Variants in FAM20B observed in about 807,000 individuals in gnomAD.
FAM20B encodes FAM20B glycosaminoglycan xylosylkinase.
FAM20B carries 23 observed loss-of-function variants against 43.8 expected under a neutral mutation model. The observed-to-expected ratio is 0.53, with a 90% CI of 0.38 to 0.74. The LOEUF is 0.74. Ranked by LOEUF, FAM20B falls within the 30% of genes least tolerant of loss-of-function variation. The pLI is 0.00. For missense variants in FAM20B, 440 were observed against 510.5 expected (o/e 0.86, Z 1.33); for synonymous variants, 178 against 192.4 (o/e 0.93, Z 0.62).
chr1:179,029,119 A>G (rs369224259), intron 1 of FAM20B, among the ~76,000 whole-genome samples: 2 of 152,230 alleles, frequency 1.3e-5, no homozygotes, highest in East Asian at 3.8e-4. Context: ...TTTTGCATTA[A>G]TAGAAGAACT....
chr1:179,046,199 C>CT (rs901809310), intron 2 of FAM20B, among the ~76,000 whole-genome samples: 48 of 152,174 alleles, frequency 3.2e-4, no homozygotes, highest in Non-Finnish European at 3.5e-4. Context: ...ATGGAATTCT[C>CT]TAAGTTTGTT....
chr1:179,057,080 C>T (rs1480772695), intron 4 of FAM20B, among the ~76,000 whole-genome samples: 1 of 152,140 alleles, frequency 6.6e-6, no homozygotes, highest in Non-Finnish European at 1.5e-5. Context: ...CACGGTGGCT[C>T]ATGCCTGTAA....
chr1:179,028,372 A>G (rs527264923), intron 1 of FAM20B, among the ~76,000 whole-genome samples: 1 of 152,330 alleles, frequency 6.6e-6, no homozygotes, highest in East Asian at 1.9e-4. Flanking sequence ...TCACGAGGTC[A>G]AGAGATTGAG....
chr1:179,049,590 G>T (rs1035279400), intron 2 of FAM20B, among the ~76,000 whole-genome samples: 2 of 152,104 alleles, frequency 1.3e-5, no homozygotes, highest in Non-Finnish European at 2.9e-5. Context: ...GCCCAGGCTG[G>T]AGTGCAGTGG....
At chr1:179,040,841 G>A (rs1650477484) in intron 1 of FAM20B, among the ~76,000 whole-genome samples, 1 of 151,062 alleles carries the variant, frequency 6.6e-6, no homozygotes, top group Non-Finnish European at 1.5e-5. Context: ...GGGCGGAGGG[G>A]CTCCTCACTT....
chr1:179,029,989 T>G (rs536217302), intron 1 of FAM20B, among the ~76,000 whole-genome samples: 1 of 152,310 alleles, frequency 6.6e-6, no homozygotes, highest in Non-Finnish European at 1.5e-5. Flanking sequence ...TCTACTTGAG[T>G]CGATTCAGTA....
intron 1 of FAM20B, among the ~76,000 whole-genome samples, chr1:179,026,526 C>T (rs941124278): frequency 6.6e-6 from 1 of 152,146 alleles, no homozygotes; most frequent in African/African-American, 2.4e-5. Context: ...CCCGGAGCGC[C>T]CGTTGAGGCA....
intron 3 of FAM20B, among the ~76,000 whole-genome samples, chr1:179,050,848 G>A (rs111413652): frequency 9.8e-5 from 15 of 152,310 alleles, no homozygotes; most frequent in South Asian, 6.2e-4. Context: ...AGGGCCAGGC[G>A]TAGTGGCTCA....
At position 179,076,264 on chromosome 1, in the gene FAM20B, G is replaced by A. The variant is rs1652124391; in HGVS notation, c.*4120G>A. ...ATTCCTCAAGTCTGGGTGGTGACAA[G>A]GTAGGGGCTAGGTACTGGACTACCA... is the stretch of plus-strand genomic sequence containing the variant. On this transcript the variant is annotated 3_prime_UTR_variant, in exon 8 of 8. Transcript: ENST00000263733. 6.6e-6 allele frequency: 1 copy of A among 152,170 alleles called. No individual in the cohort carries two copies. The highest frequency in any genetic ancestry group is 2.4e-5 in the African/African-American group (1 of 41,430). The allele number at this position is 152,170 out of a possible 1,614,324, so 9.4% of individuals were successfully genotyped here.
chr1:179,042,703 T>C (rs1416950326), intron 1 of FAM20B, among the ~76,000 whole-genome samples: 2 of 152,116 alleles, frequency 1.3e-5, no homozygotes, highest in East Asian at 1.9e-4. Flanking sequence ...CACTGAGCAA[T>C]AGAACAGCTC....
intron 1 of FAM20B, among the ~76,000 whole-genome samples, chr1:179,028,573 C>T (rs767788670): frequency 7.2e-5 from 11 of 151,930 alleles, no homozygotes; most frequent in Non-Finnish European, 1.3e-4. Context: ...AGTGAGACTC[C>T]GTCTCAAAAA....
intron 1 of FAM20B, chr1:179,035,338 G>A (rs2102486530): frequency 1.5e-6 from 1 of 685,502 alleles, no homozygotes; most frequent in East Asian, 2.9e-5. Flanking sequence ...TCGTGGGGCA[G>A]CACCCACAGG....
At chr1:179,051,257 C>T (rs1347721399) in intron 3 of FAM20B, among the ~76,000 whole-genome samples, 10 of 151,946 alleles carry the variant, frequency 6.6e-5, no homozygotes, top group Non-Finnish European at 1.3e-4. Flanking sequence ...ATCCCAGTTA[C>T]TCTGCTGACC....
At chr1:179,065,930 A>G (rs1651672661) in intron 6 of FAM20B, among the ~76,000 whole-genome samples, 1 of 152,114 alleles carries the variant, frequency 6.6e-6, no homozygotes, top group Non-Finnish European at 1.5e-5. Context: ...ATGTGTCCTC[A>G]TATGGCAGAA....
At chr1:179,035,016 G>A (rs1223916183) in intron 1 of FAM20B, among the ~76,000 whole-genome samples, 40 of 152,192 alleles carry the variant, frequency 2.6e-4, no homozygotes, top group Non-Finnish European at 5.9e-5. Context: ...AGTATTGTGA[G>A]CTTGTCACTT....
intron 2 of FAM20B, among the ~76,000 whole-genome samples, chr1:179,049,466 A>T (rs1402471460): frequency 6.6e-6 from 1 of 152,202 alleles, no homozygotes; most frequent in African/African-American, 2.4e-5. Flanking sequence ...ATTAACAAAG[A>T]TTGAGTTATA....
At chr1:179,027,652 G>T (rs544953630) in intron 1 of FAM20B, among the ~76,000 whole-genome samples, 1 of 152,340 alleles carries the variant, frequency 6.6e-6, no homozygotes, top group East Asian at 1.9e-4. Flanking sequence ...CCTCACTCAT[G>T]ATAAAGTGCA....
intron 1 of FAM20B, among the ~76,000 whole-genome samples, chr1:179,028,446 G>C (rs567288478): frequency 6.6e-6 from 1 of 152,224 alleles, no homozygotes; most frequent in Non-Finnish European, 1.5e-5. Flanking sequence ...GCTGTGCATG[G>C]TGGTGCACGC....
chr1:179,067,005 C>T, intron 7 of FAM20B, 146 bp downstream of exon 7: 3 of 626,650 alleles, frequency 4.8e-6, no homozygotes, highest in African/African-American at 1.8e-5. Flanking sequence ...TCTGGACATC[C>T]TGAAATGGGA....
Sources: allele counts gnomAD v4.1 joint callset (sites outside exome capture counted in the v4.1 genomes callset), GRCh38; gene constraint gnomAD v4.1.1; transcripts MANE v1.5; gene names NCBI Gene and HGNC (gene_info 2026-07-23, HGNC 2026-07-21).